The following TADA3 variants were observed in gnomAD, a reference collection of about 807,000 sequenced individuals.
The protein encoded by TADA3 is transcriptional adaptor 3.
TADA3 carries 25 observed loss-of-function variants against 43.2 expected under a neutral mutation model. That is an observed-to-expected ratio of 0.58 (90% CI 0.42 to 0.81). The LOEUF (loss-of-function observed/expected upper bound fraction) is 0.81. TADA3 is among the 30% of genes least tolerant of loss of function. The pLI, the probability that TADA3 is intolerant of heterozygous loss-of-function variation, is 0.00. For synonymous variants in TADA3, 235 were observed against 225.5 expected, an observed-to-expected ratio of 1.04 and a Z score of -0.38; for missense variants, 441 against 567.8, an observed-to-expected ratio of 0.78 and a Z score of 2.27.
intron 6 of TADA3, among the ~76,000 whole-genome samples, chr3:9,786,460 G>A (rs774720327): frequency 6.6e-6 from 1 of 152,208 alleles, no homozygotes; most frequent in South Asian, 2.1e-4. Flanking sequence ...TGAGGTGAAA[G>A]AGTGTGAGGG....
rs2078724986 is a variant in TADA3, at chr3:9,791,242, CCT to C, written c.207+16_207+17del. The C allele has an allele frequency of 1.2e-6, 2 of 1,603,552 alleles. No individual in the cohort carries two copies. Among genetic ancestry groups the C allele is most frequent in the Non-Finnish European group, 1.7e-6 (2 of 1,174,958 alleles). On this transcript the variant is annotated intron_variant, in intron 2 of 8. Transcript: ENST00000301964. ...TTGCAGTCCATCTCTGGTGCTGGCC[CCT>C]CTCTGGGGTTATCACCTGGGTTTCG...
Position 9,791,462 on chromosome 3 carries a change from C to G in TADA3, c.5G>C (p.Ser2Thr). Residue 2 changes from serine to threonine, a missense_variant, in exon 2 of 9, where the codon AGT (serine) becomes ACT (threonine). Coordinates refer to ENST00000301964, the MANE Select transcript of TADA3 (RefSeq NM_006354.5). Reference sequence around the variant, plus strand: ...CTGCAAGGGGCAGTCTTTCAACTCACTCATGGCCCAGGATATGGGGATCCT... The same window carrying G: ...CTGCAAGGGGCAGTCTTTCAACTCAGTCATGGCCCAGGATATGGGGATCCT... Reference protein sequence around the residue: MSELKDCPLQFH... With the variant: MTELKDCPLQFH... 1 of 1,609,240 alleles carries G rather than the reference C, an allele frequency of 6.2e-7. No individual in the cohort carries two copies. The highest frequency in any genetic ancestry group is 1.3e-5 in the African/African-American group (1 of 75,028).
chr3:9,786,994 T>A lies in TADA3; in HGVS notation c.810+12A>T. On this transcript the variant is annotated intron_variant, in intron 6 of 8. Coordinates refer to ENST00000301964, the MANE Select transcript of TADA3 (RefSeq NM_006354.5). ...AGTAAATATGGTTCCTCTTTTGGGT[T>A]AGGCTGCTCACCTCCACCAGGGCCT... 1 of 1,611,386 alleles carries A rather than the reference T, an allele frequency of 6.2e-7. No homozygotes were observed. The highest frequency in any genetic ancestry group is 1.1e-5 in the South Asian group (1 of 91,004).
At chr3:9,792,881 C>A, upstream of TADA3, 1 of 1,385,646 alleles carries the variant, frequency 7.2e-7, no homozygotes, top group South Asian at 1.6e-5. Flanking sequence ...AAGCTGCACC[C>A]ATTCCTGGAG....
rs552293128 is a variant in TADA3 at position 9,791,781 on chromosome 3, T to C, written c.-27-288A>G. 9.8e-5 allele frequency among the ~76,000 whole-genome samples: 15 copies of C among 152,354 alleles called. No homozygotes were observed. The East Asian group carries it at 2.9e-3, about 29-fold the overall frequency. The stretch of plus-strand genomic sequence containing the variant: ...CTCTGTAAGGGTGGGTATGTGCCTA[T>C]GCTTCCAAGATGCAATTTGAACCCC... On this transcript the variant is annotated intron_variant, in intron 1 of 8. Transcript: ENST00000301964.
At position 9,789,852 on chromosome 3, in the gene TADA3, C is replaced by G. The variant is rs1306035850; in HGVS notation, c.319G>C (p.Glu107Gln). Reference protein sequence around the residue: ...KHGKPKKQKLEGKAGHGPGPG... With the variant: ...KHGKPKKQKLQGKAGHGPGPG... ...CCCGGCCCATGTCCTGCCTTCCCTT[C>G]CAGTTTCTGCTTCTTGGGCTTCCCA... Residue 107 changes from glutamate to glutamine, a missense_variant, in exon 3 of 9, where the codon GAA (glutamate) becomes CAA (glutamine). Transcript: ENST00000301964. 6.2e-7 allele frequency: 1 copy of G among 1,614,264 alleles called. No individual in the cohort carries two copies. Among genetic ancestry groups the G allele is most frequent in the Non-Finnish European group, 8.5e-7 (1 of 1,180,050 alleles).
intron 4 of TADA3, chr3:9,787,588 G>A (rs2078645814): frequency 2.9e-6 from 3 of 1,044,992 alleles, no homozygotes; most frequent in Non-Finnish European, 4.0e-6. Context: ...CAAGATAGAA[G>A]GTGCAGAATA....
upstream of TADA3, chr3:9,792,687 C>T (rs1014625759): frequency 8.1e-6 from 10 of 1,233,246 alleles, no homozygotes; most frequent in Non-Finnish European, 8.1e-6. Flanking sequence ...TTAGCCCCGC[C>T]GAGCGCCAGG....
intron 4 of TADA3, among the ~76,000 whole-genome samples, chr3:9,788,991 A>G (rs1022448218): frequency 1.3e-5 from 2 of 151,946 alleles, no homozygotes; most frequent in Non-Finnish European, 2.9e-5. Context: ...GCACACCGCC[A>G]TGCCTGGCTA....
intron 4 of TADA3, among the ~76,000 whole-genome samples, chr3:9,788,838 CTT>C (rs754997174): frequency 2.7e-4 from 39 of 142,866 alleles, no homozygotes; most frequent in Admixed American, 3.5e-4. Flanking sequence ...ACTTTTATAT[CTT>C]TTTTTTTTTT....
chr3:9,792,553 G>T, upstream of TADA3: 1 of 1,227,700 alleles, frequency 8.1e-7, no homozygotes, highest in South Asian at 4.2e-5. Context: ...GCCGGGGGTG[G>T]GAAGAAGGTG....
intron 2 of TADA3, among the ~76,000 whole-genome samples, chr3:9,790,208 C>G (rs1302363702): frequency 6.6e-6 from 1 of 152,242 alleles, no homozygotes. Context: ...TGATTCACTT[C>G]TGTATCACCC....
chr3:9,785,168 C>A, intron 7 of TADA3, 148 bp downstream of exon 7: 2 of 595,606 alleles, frequency 3.4e-6, no homozygotes, highest in Admixed American at 2.9e-5. Context: ...TGCAGACACG[C>A]TGGGTCATCA....
At position 9,780,447 on chromosome 3, in the gene TADA3, C is replaced by T; in HGVS notation, c.1209G>A (p.Gln403=). 2 of 1,612,450 alleles carry T rather than the reference C, an allele frequency of 1.2e-6. No individual in the cohort carries two copies. The highest frequency in any genetic ancestry group is 1.7e-6 in the Non-Finnish European group (2 of 1,179,890). Residue 403 remains glutamine, a synonymous_variant, in exon 9 of 9, where the codon CAG becomes CAA. Coordinates refer to ENST00000301964, the MANE Select transcript of TADA3 (RefSeq NM_006354.5). ...CTTTCTTGGTGGGAGTCCGCTTCTT[C>T]TGCCGGGCAGCCATGATCTTGCGAA... ...DAFRKIMAAR[Q]KKRTPTKKEK... is the part of the protein sequence containing the mutation.
upstream of TADA3, chr3:9,792,618 C>A: frequency 8.1e-7 from 1 of 1,230,436 alleles, no homozygotes; most frequent in Non-Finnish European, 1.0e-6. Context: ...TCAGGCGAGC[C>A]CCGGGGCACA....
intron 7 of TADA3, 96 bp downstream of exon 7, chr3:9,785,220 C>T (rs2125621528): frequency 1.1e-6 from 1 of 925,194 alleles, no homozygotes; most frequent in South Asian, 1.5e-5. Flanking sequence ...TAACTGCCCC[C>T]AGCCTCTTAC....
chr3:9,783,872 C>T (rs113892132), intron 8 of TADA3, 156 bp downstream of exon 8: 32 of 1,320,092 alleles, frequency 2.4e-5, no homozygotes, highest in East Asian at 1.6e-4. Context: ...GGGACATACC[C>T]GGTGGACTGG....
intron 7 of TADA3, 141 bp from the exon 8 acceptor site, chr3:9,784,354 G>A: frequency 1.8e-6 from 2 of 1,121,516 alleles, no homozygotes; most frequent in Non-Finnish European, 2.4e-6. Flanking sequence ...AGATACAAAG[G>A]GAGGGACAGA....
At chr3:9,781,852 T>G (rs981340413) in intron 8 of TADA3, among the ~76,000 whole-genome samples, 1 of 145,846 alleles carries the variant, frequency 6.9e-6, no homozygotes, top group African/African-American at 2.5e-5. Context: ...TTTTTTTTTT[T>G]TTTTTTGAGA....
Sources: gnomAD v4.1 joint callset for allele counts (sites outside exome capture counted in the v4.1 genomes callset) on GRCh38, gnomAD v4.1.1 for gene constraint, MANE v1.5 for transcripts, NCBI Gene and HGNC (gene_info 2026-07-23, HGNC 2026-07-21) for gene names.